LRP1B: variants seen among roughly 807,000 people sequenced by gnomAD.
The protein encoded by LRP1B is low-density lipoprotein receptor-related protein 1B.
In LRP1B, 217 loss-of-function variants were observed where a neutral mutation model predicts 556.6. The ratio of observed to expected loss-of-function variants is 0.39; its 90% CI spans 0.35 to 0.44. The LOEUF (loss-of-function observed/expected upper bound fraction) is 0.44. Among genes scored for constraint, LRP1B ranks in the 20% least tolerant of loss-of-function variants. The pLI is 1.00. For missense variants in LRP1B, 5,053 were observed against 5,620.8 expected (o/e 0.90, Z 3.23); for synonymous variants, 2,047 against 1,865.8 (o/e 1.10, Z -2.50).
At chr2:140,708,787 G>T (rs1340099047) in intron 37 of LRP1B, among the ~76,000 whole-genome samples, 3 of 151,650 alleles carry the variant, frequency 2.0e-5, no homozygotes, top group Non-Finnish European at 4.4e-5. Flanking sequence ...ACATCTAGCT[G>T]CCCAGAGCCT....
chr2:141,008,099 A>G (rs1697630889), intron 14 of LRP1B, among the ~76,000 whole-genome samples: 1 of 151,386 alleles, frequency 6.6e-6, no homozygotes, highest in Non-Finnish European at 1.5e-5. Flanking sequence ...AACTAGAAAA[A>G]TATTTTATGT....
intron 23 of LRP1B, among the ~76,000 whole-genome samples, chr2:140,887,762 T>C (rs1693681527): frequency 6.6e-6 from 1 of 152,116 alleles, no homozygotes; most frequent in African/African-American, 2.4e-5. Flanking sequence ...CTAAAACAAA[T>C]GAAAACATTA....
chr2:141,359,671 G>A (rs1170881754), intron 3 of LRP1B, among the ~76,000 whole-genome samples: 1 of 152,078 alleles, frequency 6.6e-6, no homozygotes, highest in Admixed American at 6.5e-5. Flanking sequence ...CAGGAGAATC[G>A]CTTGAACCCG....
chr2:140,296,030 G>T (rs1371104091), intron 84 of LRP1B, among the ~76,000 whole-genome samples: 1 of 152,052 alleles, frequency 6.6e-6, no homozygotes, highest in African/African-American at 2.4e-5. Context: ...CAATTATTTT[G>T]GTCTGGACAG....
chr2:141,740,463 G>T (rs1376047534), intron 2 of LRP1B, among the ~76,000 whole-genome samples: 1 of 151,960 alleles, frequency 6.6e-6, no homozygotes, highest in African/African-American at 2.4e-5. Context: ...AATTTTTGTG[G>T]GTACATAGTA....
chr2:141,828,593 A>G (rs968203699), intron 1 of LRP1B, among the ~76,000 whole-genome samples: 3 of 152,164 alleles, frequency 2.0e-5, no homozygotes, highest in Admixed American at 6.6e-5. Flanking sequence ...AGGAGTTTCT[A>G]TCTTTTCTGT....
chr2:141,841,491 G>A (rs1697469683), intron 1 of LRP1B, among the ~76,000 whole-genome samples: 2 of 152,098 alleles, frequency 1.3e-5, no homozygotes, highest in South Asian at 4.1e-4. Context: ...TGAGTTTACT[G>A]GATCTGAATA....
chr2:141,105,145 T>C (rs992807803), intron 7 of LRP1B, among the ~76,000 whole-genome samples: 1 of 152,120 alleles, frequency 6.6e-6, no homozygotes, highest in Non-Finnish European at 1.5e-5. Context: ...TTGTATTTCA[T>C]ATAGCTGGGA....
intron 1 of LRP1B, among the ~76,000 whole-genome samples, chr2:142,106,536 G>A (rs1706752104): frequency 6.6e-6 from 1 of 152,040 alleles, no homozygotes; most frequent in Non-Finnish European, 1.5e-5. Flanking sequence ...TTTGGCTTCA[G>A]GGCCAATCTA....
chr2:141,328,841 C>T (rs1389486892), intron 3 of LRP1B, among the ~76,000 whole-genome samples: 1 of 152,054 alleles, frequency 6.6e-6, no homozygotes, highest in Non-Finnish European at 1.5e-5. Flanking sequence ...TTTAAAGCAC[C>T]TGAGGGGGTG....
chr2:141,021,516 C>T (rs1340428441), intron 11 of LRP1B, among the ~76,000 whole-genome samples: 1 of 151,928 alleles, frequency 6.6e-6, no homozygotes, highest in Non-Finnish European at 1.5e-5. Flanking sequence ...ACTTAATTTT[C>T]CTGAGCACTT....
chr2:140,333,392 G>A (rs1281670540), intron 79 of LRP1B, among the ~76,000 whole-genome samples: 1 of 151,972 alleles, frequency 6.6e-6, no homozygotes, highest in African/African-American at 2.4e-5. Context: ...GTTAGAACTT[G>A]CTTCACATTG....
At chr2:142,044,694 T>C (rs1398877227) in intron 1 of LRP1B, among the ~76,000 whole-genome samples, 1 of 151,804 alleles carries the variant, frequency 6.6e-6, no homozygotes, top group Non-Finnish European at 1.5e-5. Context: ...TTTCTCTTTA[T>C]GACTATTTCC....
chr2:142,003,840 C>T (rs1454683842), intron 1 of LRP1B, among the ~76,000 whole-genome samples: 1 of 152,214 alleles, frequency 6.6e-6, no homozygotes, highest in Non-Finnish European at 1.5e-5. Context: ...TTCTTATGAA[C>T]ATGGGCTCTG....
At position 140,886,292 on chromosome 2, in the gene LRP1B, G is replaced by C. The variant is rs2105192657; in HGVS notation, c.3810C>G (p.Ile1270Met). ...CTCTTTTGTGAAGATCAATCCTTCT[G>C]ATCTCATGACGAATAGAAAAGATGA... is the stretch of plus-strand genomic sequence containing the variant. ...AFIIFSIRHE[I>M]RRIDLHKRDY... The change falls in exon 24 of 91, where the codon ATC (isoleucine) becomes ATG (methionine). Residue 1270 changes from isoleucine (I) to methionine (M), a missense_variant. Ile to Met is a conservative substitution (Grantham distance 10). Coordinates refer to ENST00000389484, the MANE Select transcript of LRP1B (RefSeq NM_018557.3). 1 of 1,606,240 alleles carries C rather than the reference G, an allele frequency of 6.2e-7. No homozygotes were observed.
At chr2:141,711,971 A>G (rs1042258107) in intron 2 of LRP1B, among the ~76,000 whole-genome samples, 4 of 151,886 alleles carry the variant, frequency 2.6e-5, no homozygotes, top group African/African-American at 9.7e-5. Context: ...ACACACACAC[A>G]CACAACTTCA....
chr2:140,710,075 T>A (rs1686980594), intron 37 of LRP1B, among the ~76,000 whole-genome samples: 1 of 152,102 alleles, frequency 6.6e-6, no homozygotes, highest in African/African-American at 2.4e-5. Context: ...AAATAATATT[T>A]AAATATTGCT....
intron 15 of LRP1B, among the ~76,000 whole-genome samples, chr2:140,995,468 A>G (rs1697217245): frequency 6.6e-6 from 1 of 152,100 alleles, no homozygotes; most frequent in African/African-American, 2.4e-5. Context: ...CAACAACATT[A>G]ACAACAATAA....
At chr2:141,312,695 CT>C (rs112865731) in intron 3 of LRP1B, among the ~76,000 whole-genome samples, 106 of 147,504 alleles carry the variant, frequency 7.2e-4, no homozygotes, top group South Asian at 8.6e-4. Flanking sequence ...ATTGATAATT[CT>C]TTTTTTTTTT....
Sources: gnomAD v4.1 joint callset for allele counts (sites outside exome capture counted in the v4.1 genomes callset) on GRCh38, gnomAD v4.1.1 for gene constraint, MANE v1.5 for transcripts, NCBI Gene and HGNC (gene_info 2026-07-23, HGNC 2026-07-21) for gene names.